Variants in XPR1 observed in about 807,000 individuals in gnomAD.
XPR1 encodes solute carrier family 53 member 1.
In XPR1, 28 loss-of-function variants were observed where a neutral mutation model predicts 87.5. That is an observed-to-expected ratio of 0.32 (90% CI 0.24 to 0.44). The LOEUF is 0.44. XPR1 is among the 20% of genes least tolerant of loss of function. The probability of loss-of-function intolerance (pLI) is 1.00; values close to 1 mark genes in which losing one functional copy is unlikely to be tolerated. For synonymous variants in XPR1, 300 were observed against 306.1 expected, an observed-to-expected ratio of 0.98 and a Z score of 0.21; for missense variants, 559 against 862.3, an observed-to-expected ratio of 0.65 and a Z score of 4.41.
At chr1:180,765,769 T>C (rs548274429) in intron 2 of XPR1, among the ~76,000 whole-genome samples, 1 of 152,238 alleles carries the variant, frequency 6.6e-6, no homozygotes, top group South Asian at 2.1e-4. Context: ...CTGCAGTTGG[T>C]TGAATCTGAG....
At chr1:180,864,852 A>G (rs780412013) in intron 12 of XPR1, among the ~76,000 whole-genome samples, 19 of 152,164 alleles carry the variant, frequency 1.2e-4, no homozygotes, top group Non-Finnish European at 2.6e-4. Flanking sequence ...TCTTTCACTA[A>G]CTAGCTATAT....
chr1:180,810,835 A>G (rs935626210), intron 6 of XPR1, among the ~76,000 whole-genome samples: 5 of 151,544 alleles, frequency 3.3e-5, no homozygotes, highest in East Asian at 1.9e-4. Context: ...ATATGTGTGT[A>G]TATATATAGT....
intron 2 of XPR1, among the ~76,000 whole-genome samples, chr1:180,704,384 T>A (rs1403860307): frequency 6.6e-6 from 1 of 150,610 alleles, no homozygotes; most frequent in East Asian, 1.9e-4. Context: ...CTGTGTTTAT[T>A]AGCCAGAATT....
At chr1:180,883,363 C>T (rs1652904399) in intron 14 of XPR1, among the ~76,000 whole-genome samples, 1 of 151,914 alleles carries the variant, frequency 6.6e-6, no homozygotes, top group African/African-American at 2.4e-5. Context: ...CCATTCCTGC[C>T]TTACAGAGAT....
intron 2 of XPR1, among the ~76,000 whole-genome samples, chr1:180,694,050 G>A (rs1448288357): frequency 1.3e-5 from 2 of 152,062 alleles, no homozygotes; most frequent in South Asian, 2.1e-4. Flanking sequence ...CTCAAACTCC[G>A]GAGCTCAGTA....
rs60139348 is a variant in XPR1 at position 180,687,370 on chromosome 1, T to C, written c.121+4959T>C. ...TAGTTAAGAGCCTTTTCTTTCATTA[T>C]CCAGAGACATTAACTTCTTTGGGCC... On this transcript the variant is annotated intron_variant, in intron 2 of 14. Coordinates refer to ENST00000367590, the MANE Select transcript of XPR1 (RefSeq NM_004736.4). Among the ~76,000 whole-genome samples the C allele has an allele frequency of 7.9e-3, 1,200 of 152,296 alleles. 16 individuals carry two copies. The highest frequency in any genetic ancestry group is 0.028 in the African/African-American group (1,147 of 41,584).
chr1:180,749,959 A>G (rs1351610748), intron 2 of XPR1, among the ~76,000 whole-genome samples: 1 of 152,198 alleles, frequency 6.6e-6, no homozygotes, highest in Non-Finnish European at 1.5e-5. Context: ...TGAATTCAAT[A>G]TGCTGGGTCA....
In XPR1 at chr1:180,683,473, A is replaced by G. The variant is rs530252496; in HGVS notation, c.121+1062A>G. The stretch of plus-strand genomic sequence containing the variant: ...CAGCGTGATTTATAATCCTTTGGGT[A>G]TATACCCAGTAATGGGATGGCTGGG... On this transcript the variant is annotated intron_variant, in intron 2 of 14. Transcript: ENST00000367590. 1.3e-4 allele frequency among the ~76,000 whole-genome samples: 20 copies of G among 152,294 alleles called. No homozygotes were observed. In the South Asian group the frequency reaches 3.9e-3, roughly 30 times the overall value.
At chr1:180,880,385 C>T (rs1652812962) in intron 14 of XPR1, 88 bp downstream of exon 14, 1 of 1,475,456 alleles carries the variant, frequency 6.8e-7, no homozygotes, top group South Asian at 1.2e-5. Context: ...TCAGGTTGAA[C>T]CAAATGAAAT....
chr1:180,770,610 T>G (rs1488188799), intron 2 of XPR1, among the ~76,000 whole-genome samples: 1 of 152,172 alleles, frequency 6.6e-6, no homozygotes, highest in Non-Finnish European at 1.5e-5. Context: ...TTTAGATGTT[T>G]TGTGCTATGA....
intron 2 of XPR1, among the ~76,000 whole-genome samples, chr1:180,714,593 C>CAG (rs1657925254): frequency 6.6e-6 from 1 of 151,952 alleles, no homozygotes; most frequent in Admixed American, 6.6e-5. Flanking sequence ...TTTGTAGAGA[C>CAG]AGGGTCTCAC....
chr1:180,796,463 A>G (rs2944262), intron 3 of XPR1, among the ~76,000 whole-genome samples: 28,436 of 152,086 alleles, frequency 0.19, 3,095 homozygotes, highest in Middle Eastern at 0.31. Flanking sequence ...GCCCTTAAGG[A>G]AGAGAGTCAT....
chr1:180,675,669 C>T (rs974677825), intron 1 of XPR1, among the ~76,000 whole-genome samples: 3 of 152,086 alleles, frequency 2.0e-5, no homozygotes, highest in African/African-American at 4.8e-5. Flanking sequence ...TATACAAATT[C>T]GGAGTTTTAT....
At chr1:180,883,663 T>A (rs190580068) in intron 14 of XPR1, among the ~76,000 whole-genome samples, 1 of 146,346 alleles carries the variant, frequency 6.8e-6, no homozygotes, top group African/African-American at 2.6e-5. Context: ...GAGCTGAGAT[T>A]ATGCCACTGC....
intron 2 of XPR1, among the ~76,000 whole-genome samples, chr1:180,738,909 G>T (rs1057363491): frequency 2.0e-5 from 3 of 151,714 alleles, no homozygotes; most frequent in African/African-American, 2.4e-5. Flanking sequence ...CAATTTATCA[G>T]TTTTTTTTCA....
chr1:180,806,134 G>A lies in XPR1; in HGVS notation c.520G>A (p.Asp174Asn). 1 of 1,613,920 alleles carries A rather than the reference G, an allele frequency of 6.2e-7. No homozygotes were observed. Among genetic ancestry groups the A allele is most frequent in the Non-Finnish European group, 8.5e-7 (1 of 1,179,880 alleles). ...GATCCTGGAAACATCTCGTGGAGCA[G>A]ATTGGCGAGTGGCTCACGTAGAGGT... ...DKILETSRGA[D>N]WRVAHVEVAP... Residue 174 changes from aspartate (D) to asparagine (N), a missense_variant, in exon 5 of 15, where the codon GAT becomes AAT. Transcript: ENST00000367590.
intron 2 of XPR1, among the ~76,000 whole-genome samples, chr1:180,695,955 T>C (rs1253226456): frequency 6.6e-6 from 1 of 151,944 alleles, no homozygotes; most frequent in Non-Finnish European, 1.5e-5. Context: ...TTTTTTTTTC[T>C]ATTTCTGTGA....
At chr1:180,642,365 G>A (rs923747605) in intron 1 of XPR1, among the ~76,000 whole-genome samples, 12 of 152,094 alleles carry the variant, frequency 7.9e-5, no homozygotes, top group African/African-American at 2.9e-4. Context: ...GGGTAGAGAA[G>A]ATAAGAATAT....
chr1:180,812,649 CTTTT>C (rs955473305), intron 7 of XPR1, among the ~76,000 whole-genome samples: 2 of 134,296 alleles, frequency 1.5e-5, no homozygotes, highest in Non-Finnish European at 1.6e-5. Context: ...GCAGCCATTT[CTTTT>C]TTTTTTTTTT....
Sources: allele counts gnomAD v4.1 joint callset (sites outside exome capture counted in the v4.1 genomes callset), GRCh38; gene constraint gnomAD v4.1.1; transcripts MANE v1.5; gene names NCBI Gene and HGNC (gene_info 2026-07-23, HGNC 2026-07-21).